The following RBMS3 variants were observed in gnomAD, a reference collection of about 807,000 sequenced individuals.
RBMS3 encodes RNA-binding motif, single-stranded-interacting protein 3.
Under a neutral mutation model 66.8 loss-of-function variants are expected in RBMS3, and 27 were observed. The ratio of observed to expected loss-of-function variants is 0.40; its 90% CI spans 0.30 to 0.56. The LOEUF (loss-of-function observed/expected upper bound fraction) is 0.56, where lower values mean the gene tolerates loss of function less well. Among genes scored for constraint, RBMS3 ranks in the 20% least tolerant of loss-of-function variants. The pLI, the probability that RBMS3 is intolerant of heterozygous loss-of-function variation, is 0.40. For missense variants in RBMS3, 513 were observed against 549.5 expected (o/e 0.93, Z 0.66); for synonymous variants, 188 against 183.0 (o/e 1.03, Z -0.22).
chr3:29,393,693 G>T (rs1037828736), intron 1 of RBMS3, among the ~76,000 whole-genome samples: 2 of 151,950 alleles, frequency 1.3e-5, no homozygotes, highest in African/African-American at 4.8e-5. Context: ...CCTAAGTGTC[G>T]ACCCTAAGTG....
At chr3:29,885,309 G>C (rs112093738) in intron 8 of RBMS3, among the ~76,000 whole-genome samples, 1 of 151,844 alleles carries the variant, frequency 6.6e-6, no homozygotes, top group African/African-American at 2.4e-5. Flanking sequence ...CCCTCTAGAA[G>C]TGAAAATTAA....
intron 4 of RBMS3, among the ~76,000 whole-genome samples, chr3:29,699,860 T>G (rs1433808307): frequency 1.3e-5 from 2 of 152,170 alleles, no homozygotes; most frequent in Non-Finnish European, 2.9e-5. Flanking sequence ...AGATTATGAT[T>G]CAGTAGGTCT....
chr3:29,506,821 G>T (rs2044199414), intron 3 of RBMS3, among the ~76,000 whole-genome samples: 1 of 151,628 alleles, frequency 6.6e-6, no homozygotes, highest in Admixed American at 6.6e-5. Context: ...AGTTTTATGT[G>T]TCTAAGAATG....
At position 29,685,550 on chromosome 3, in the gene RBMS3, C is replaced by T. The variant is rs556996461; in HGVS notation, c.400-54170C>T. Among the ~76,000 whole-genome samples, 8 of 152,152 alleles carry T rather than the reference C, an allele frequency of 5.3e-5. No individual in the cohort carries two copies. The East Asian group carries it at 1.2e-3, about 22-fold the overall frequency. The stretch of plus-strand genomic sequence containing the variant: ...TCAGTTCTTTAGCCATTACTTGGTG[C>T]AAAACAAGTTCCGGTTTCCTCCTTC... On this transcript the variant is annotated intron_variant, in intron 4 of 14. Coordinates refer to ENST00000383767, the MANE Select transcript of RBMS3 (RefSeq NM_001003793.3).
At chr3:29,459,433 A>G (rs1044096515) in intron 2 of RBMS3, among the ~76,000 whole-genome samples, 1 of 152,214 alleles carries the variant, frequency 6.6e-6, no homozygotes, top group Non-Finnish European at 1.5e-5. Flanking sequence ...ATCATCTAAA[A>G]TATAAAGAAT....
At position 29,729,465 on chromosome 3, in the gene RBMS3, T is replaced by C. The variant is rs536707717; in HGVS notation, c.400-10255T>C. 3.9e-5 allele frequency among the ~76,000 whole-genome samples: 6 copies of C among 152,312 alleles called. 1 individual carries two copies. In the East Asian group the frequency reaches 1.2e-3, roughly 29 times the overall value. On this transcript the variant is annotated intron_variant, in intron 4 of 14. Transcript: ENST00000383767. Reference sequence around the variant, plus strand: ...ATAAACATACGCGTGCATGTGTCTTTATAGTAGCATGATTTATAATCTTTT... The same window carrying C: ...ATAAACATACGCGTGCATGTGTCTTCATAGTAGCATGATTTATAATCTTTT...
intron 4 of RBMS3, among the ~76,000 whole-genome samples, chr3:29,596,156 T>A (rs2047935650): frequency 6.6e-6 from 1 of 152,216 alleles, no homozygotes; most frequent in African/African-American, 2.4e-5. Flanking sequence ...CTTTCCTGCT[T>A]TCCTGGCCCC....
At chr3:29,696,827 A>G in intron 4 of RBMS3, 1 of 449,284 alleles carries the variant, frequency 2.2e-6, no homozygotes, top group Non-Finnish European at 2.9e-6. Context: ...CAACTCCAAG[A>G]GCCAGTGTAG....
chr3:29,551,722 G>A (rs1237173702), intron 3 of RBMS3, among the ~76,000 whole-genome samples: 4 of 152,134 alleles, frequency 2.6e-5, no homozygotes, highest in Admixed American at 2.6e-4. Flanking sequence ...AAAGTAATCT[G>A]ACAATTCAAG....
At chr3:29,988,975 A>G (rs4277645) in intron 13 of RBMS3, among the ~76,000 whole-genome samples, 21,804 of 152,146 alleles carry the variant, frequency 0.14, 1,801 homozygotes, top group East Asian at 0.2. Flanking sequence ...TTGATTCCTG[A>G]GTCCTATCCC....
intron 1 of RBMS3, among the ~76,000 whole-genome samples, chr3:29,377,037 C>T (rs1034573031): frequency 3.3e-5 from 5 of 151,188 alleles, no homozygotes; most frequent in African/African-American, 1.2e-4. Context: ...TGAAGTGAGC[C>T]AAGATCATGC....
In RBMS3 at chr3:30,007,575, A is replaced by G. The variant is rs951639173; in HGVS notation, c.*3713A>G. On this transcript the variant is annotated 3_prime_UTR_variant, in exon 15 of 15. Coordinates refer to ENST00000383767, the MANE Select transcript of RBMS3 (RefSeq NM_001003793.3). ...TATTGTCAAGGGAGGCAAAGTGTTC[A>G]TGGTAACTTGGAGCTCCCCAATACA... 1.6e-4 allele frequency: 24 copies of G among 152,210 alleles called. No homozygotes were observed. The highest frequency in any genetic ancestry group is 5.3e-4 in the African/African-American group (22 of 41,572). The allele number at this position is 152,210 out of a possible 1,614,324, so 9.4% of individuals were successfully genotyped here. A position where few individuals can be genotyped will look rare whatever the true frequency, so the allele number is the denominator to read the frequency against.
At position 29,703,826 on chromosome 3, in the gene RBMS3, G is replaced by A. The variant is rs780677522; in HGVS notation, c.400-35894G>A. ...GGGCCACACAGGTAGGAACTGGGCCGCACGGCTGGAGATGAGTGCTGGGCG... is the reference window on the plus strand; with the variant it reads ...GGGCCACACAGGTAGGAACTGGGCCACACGGCTGGAGATGAGTGCTGGGCG... On this transcript the variant is annotated intron_variant, in intron 4 of 14. Transcript: ENST00000383767. 1.8e-4 allele frequency among the ~76,000 whole-genome samples: 28 copies of A among 152,172 alleles called. 1 individual carries two copies. The highest frequency in any genetic ancestry group is 3.9e-4 in the Admixed American group (6 of 15,292).
chr3:29,542,913 A>G (rs978876649), intron 3 of RBMS3, among the ~76,000 whole-genome samples: 1 of 152,206 alleles, frequency 6.6e-6, no homozygotes, highest in African/African-American at 2.4e-5. Flanking sequence ...CAAAGGTAAA[A>G]TTTAATAGTT....
chr3:29,935,971 A>T, intron 10 of RBMS3, 115 bp from the exon 11 acceptor site: 1 of 834,904 alleles, frequency 1.2e-6, no homozygotes, highest in Non-Finnish European at 1.8e-6. Context: ...TAGCCTTTTT[A>T]GTAAAAAAGT....
At chr3:29,762,339 A>G (rs559139893) in intron 5 of RBMS3, among the ~76,000 whole-genome samples, 29 of 140,308 alleles carry the variant, frequency 2.1e-4, no homozygotes, top group Admixed American at 1.9e-3. Flanking sequence ...TGACGACTAC[A>G]TTACTATACC....
intron 10 of RBMS3, among the ~76,000 whole-genome samples, chr3:29,902,924 C>T (rs2060290231): frequency 6.6e-6 from 1 of 151,818 alleles, no homozygotes; most frequent in African/African-American, 2.4e-5. Context: ...AGCGCAATGA[C>T]CTTGATCTCT....
intron 12 of RBMS3, among the ~76,000 whole-genome samples, chr3:29,970,567 A>G (rs1553710625): frequency 6.6e-6 from 1 of 151,898 alleles, no homozygotes; most frequent in Non-Finnish European, 1.5e-5. Context: ...TATCCAATTT[A>G]TTTTCTTTGT....
chr3:29,632,981 A>C lies in RBMS3; in HGVS notation c.399+45776A>C, dbSNP rs148253304. Among the ~76,000 whole-genome samples the C allele has an allele frequency of 4.9e-4, 74 of 152,006 alleles. No homozygotes were observed. In the East Asian group the frequency reaches 0.011, roughly 22 times the overall value. On this transcript the variant is annotated intron_variant, in intron 4 of 14. Transcript: ENST00000383767. ...ATGTGCTAAAAGCAATTTTATAAAG[A>C]TCTCTAAGCAAATATTGTACTGTAC...
Sources: allele counts gnomAD v4.1 joint callset (sites outside exome capture counted in the v4.1 genomes callset), GRCh38; gene constraint gnomAD v4.1.1; transcripts MANE v1.5; gene names NCBI Gene and HGNC (gene_info 2026-07-23, HGNC 2026-07-21).